CAPSL: variants seen among roughly 807,000 people sequenced by gnomAD.
The protein encoded by CAPSL is calcyphosine like.
CAPSL carries 17 observed loss-of-function variants against 21.3 expected under a neutral mutation model. That is an observed-to-expected ratio of 0.80 (90% CI 0.55 to 1.20). The LOEUF is 1.20. Among genes scored for constraint, CAPSL ranks in the 50% most tolerant of loss-of-function variants. The probability of loss-of-function intolerance (pLI) is 0.00; values close to 1 mark genes in which losing one functional copy is unlikely to be tolerated. For synonymous variants in CAPSL, 102 were observed against 89.3 expected, an observed-to-expected ratio of 1.14 and a Z score of -0.80; for missense variants, 289 against 259.3, an observed-to-expected ratio of 1.11 and a Z score of -0.79.
intron 1 of CAPSL, among the ~76,000 whole-genome samples, chr5:35,922,754 C>T (rs1324687716): frequency 2.0e-5 from 3 of 152,140 alleles, no homozygotes; most frequent in African/African-American, 7.2e-5. Context: ...TAATAACTGG[C>T]GTTTGCTTAT....
intron 2 of CAPSL, among the ~76,000 whole-genome samples, chr5:35,915,940 A>T (rs1224788265): frequency 2.6e-5 from 4 of 152,214 alleles, no homozygotes; most frequent in Admixed American, 6.5e-5. Flanking sequence ...TTTGCAGATG[A>T]CATGATTGTA....
intron 1 of CAPSL, among the ~76,000 whole-genome samples, chr5:35,926,316 C>T (rs1580893610): frequency 6.6e-6 from 1 of 152,078 alleles, no homozygotes; most frequent in East Asian, 1.9e-4. Flanking sequence ...GCTCTCCACT[C>T]TCACCCTCCA....
At chr5:35,929,581 G>T (rs746771591) in intron 1 of CAPSL, among the ~76,000 whole-genome samples, 2 of 152,242 alleles carry the variant, frequency 1.3e-5, no homozygotes, top group Middle Eastern at 3.4e-3. Flanking sequence ...AAGCCACCAC[G>T]CCCGGCCTTG....
intron 1 of CAPSL, among the ~76,000 whole-genome samples, chr5:35,926,735 T>C (rs755558761): frequency 1.2e-4 from 18 of 152,318 alleles, no homozygotes; most frequent in Middle Eastern, 3.4e-3. Flanking sequence ...GGGGATCTTA[T>C]TGCTAAAGAG....
chr5:35,929,727 T>C (rs4472285), intron 1 of CAPSL, among the ~76,000 whole-genome samples: 2,919 of 152,202 alleles, frequency 0.019, 43 homozygotes, highest in Admixed American at 0.028. Flanking sequence ...AAAGAATGCT[T>C]TGGAGTGCTG....
At chr5:35,926,854 C>G (rs1738698698) in intron 1 of CAPSL, among the ~76,000 whole-genome samples, 1 of 152,174 alleles carries the variant, frequency 6.6e-6, no homozygotes, top group Admixed American at 6.5e-5. Context: ...GGAAACTCTC[C>G]CTCCTTTGAC....
At chr5:35,913,249 G>A (rs1180219308) in intron 2 of CAPSL, among the ~76,000 whole-genome samples, 2 of 152,216 alleles carry the variant, frequency 1.3e-5, no homozygotes, top group Non-Finnish European at 1.5e-5. Context: ...ACCTGAAAGT[G>A]ATGGGGAGAA....
intron 2 of CAPSL, among the ~76,000 whole-genome samples, chr5:35,918,588 G>A (rs1738452203): frequency 6.6e-6 from 1 of 152,174 alleles, no homozygotes; most frequent in South Asian, 2.1e-4. Flanking sequence ...TTCTGCCCAT[G>A]TATCCCAGCA....
At chr5:35,904,711 C>A in intron 4 of CAPSL, 65 bp from the exon 5 acceptor site, 1 of 1,597,006 alleles carries the variant, frequency 6.3e-7, no homozygotes, top group Non-Finnish European at 8.5e-7. Context: ...GGGCGCCCAC[C>A]TTGTGCACCT....
chr5:35,904,999 G>C (rs1760643996), intron 4 of CAPSL, among the ~76,000 whole-genome samples: 1 of 152,198 alleles, frequency 6.6e-6, no homozygotes, highest in Admixed American at 6.5e-5. Flanking sequence ...CTGTCTTTCT[G>C]TGACACGTCA....
chr5:35,917,538 A>G (rs1436531476), intron 2 of CAPSL, among the ~76,000 whole-genome samples: 1 of 152,160 alleles, frequency 6.6e-6, no homozygotes, highest in African/African-American at 2.4e-5. Context: ...ATGCAGCCAT[A>G]AAAAATGATG....
intron 1 of CAPSL, among the ~76,000 whole-genome samples, chr5:35,929,940 GT>G (rs1296712349): frequency 6.6e-6 from 1 of 152,078 alleles, no homozygotes; most frequent in African/African-American, 2.4e-5. Context: ...TTTTCTGTTT[GT>G]TTTAATTAAA....
intron 1 of CAPSL, among the ~76,000 whole-genome samples, chr5:35,936,862 C>T (rs1042812352): frequency 1.3e-5 from 2 of 152,216 alleles, no homozygotes; most frequent in African/African-American, 2.4e-5. Flanking sequence ...AGCCAGATTT[C>T]TCACAAAACA....
chr5:35,933,012 C>T (rs1389794000), intron 1 of CAPSL, among the ~76,000 whole-genome samples: 1 of 152,216 alleles, frequency 6.6e-6, no homozygotes, highest in African/African-American at 2.4e-5. Context: ...AAAACAACCA[C>T]ATACGTGTAT....
intron 2 of CAPSL, among the ~76,000 whole-genome samples, chr5:35,912,412 C>T (rs1271550306): frequency 6.6e-6 from 1 of 152,220 alleles, no homozygotes; most frequent in African/African-American, 2.4e-5. Flanking sequence ...AGACTGCCTC[C>T]TCAAGTGGGT....
At chr5:35,928,429 C>G (rs1423458009) in intron 1 of CAPSL, among the ~76,000 whole-genome samples, 2 of 152,180 alleles carry the variant, frequency 1.3e-5, no homozygotes. Context: ...GAATACGTGG[C>G]TTCTGCAGTA....
intron 4 of CAPSL, among the ~76,000 whole-genome samples, chr5:35,909,084 G>A (rs1738128428): frequency 2.7e-5 from 2 of 72,972 alleles, no homozygotes; most frequent in South Asian, 1.9e-3. Context: ...AACTGGCTCA[G>A]GGTTTTTTTT....
At chr5:35,906,840 G>GGT (rs1561434521) in intron 4 of CAPSL, among the ~76,000 whole-genome samples, 1 of 152,150 alleles carries the variant, frequency 6.6e-6, no homozygotes, top group African/African-American at 2.4e-5. Context: ...ATGGGCAAAA[G>GGT]ATAAAGGAAG....
chr5:35,920,967 T>C lies in CAPSL; in HGVS notation c.137+17A>G, dbSNP rs6859892. On this transcript the variant is annotated intron_variant, in intron 2 of 4. Transcript: ENST00000651391. ...TCCTTCCCGCTCCATTCCCTGCCAC[T>C]TGTAGCTGGGTCCTACCTGCCAAGT... 1,405,143 of 1,612,296 alleles carry C rather than the reference T, an allele frequency of 0.87. 612,978 individuals are homozygous for C. The highest frequency in any genetic ancestry group is 0.95 in the South Asian group (85,947 of 90,942).
Sources: allele counts gnomAD v4.1 joint callset (sites outside exome capture counted in the v4.1 genomes callset), GRCh38; gene constraint gnomAD v4.1.1; transcripts MANE v1.5; gene names NCBI Gene and HGNC (gene_info 2026-07-23, HGNC 2026-07-21).